CELF5: variants seen among roughly 807,000 people sequenced by gnomAD.
CELF5 encodes the protein CUGBP Elav-like family member 5.
Under a neutral mutation model 54.9 loss-of-function variants are expected in CELF5, and 6 were observed. The ratio of observed to expected loss-of-function variants is 0.11; its 90% CI spans 0.06 to 0.22. CELF5 has a LOEUF of 0.22. CELF5 is among the 10% of genes least tolerant of loss of function. CELF5 has a pLI of 1.00. For missense variants in CELF5, 401 were observed against 678.6 expected, an observed-to-expected ratio of 0.59 and a Z score of 4.54; for synonymous variants, 271 against 290.9, an observed-to-expected ratio of 0.93 and a Z score of 0.70.
At position 3,268,037 on chromosome 19, in the gene CELF5, C is replaced by T. The variant is rs2079907150; in HGVS notation, c.343-5835C>T. On this transcript the variant is annotated intron_variant, in intron 2 of 12. Coordinates refer to ENST00000292672, the MANE Select transcript of CELF5 (RefSeq NM_021938.4). The surrounding 1 kb of genome is among the most constrained non-coding windows in gnomAD (Gnocchi z 4.4). ...TTTTTGAGATGGAGTCTCGCTCTGT[C>T]GCCCAGGCTGGAGTGCAGTGATTTG... 6.6e-6 allele frequency among the ~76,000 whole-genome samples: 1 copy of T among 152,048 alleles called. No individual in the cohort carries two copies. The highest frequency in any genetic ancestry group is 6.6e-5 in the Admixed American group (1 of 15,260).
At chr19:3,239,079 T>C (rs1487362719) in intron 1 of CELF5, among the ~76,000 whole-genome samples, 5 of 152,156 alleles carry the variant, frequency 3.3e-5, no homozygotes, top group African/African-American at 1.2e-4. Context: ...AGTGGCTATA[T>C]CTTTTTTAAA....
At chr19:3,255,278 G>A (rs1287304195) in intron 2 of CELF5, among the ~76,000 whole-genome samples, 2 of 152,094 alleles carry the variant, frequency 1.3e-5, no homozygotes, top group African/African-American at 2.4e-5. Context: ...TCTGCCTCGC[G>A]GGTTCAAGTG....
chr19:3,263,783 T>C (rs1179228486), intron 2 of CELF5, among the ~76,000 whole-genome samples: 1 of 151,140 alleles, frequency 6.6e-6, no homozygotes, highest in Non-Finnish European at 1.5e-5. Context: ...TGGGCACCTG[T>C]GATTCCAGCT....
At chr19:3,283,230 C>G (rs930284568) in intron 8 of CELF5, among the ~76,000 whole-genome samples, 3 of 152,226 alleles carry the variant, frequency 2.0e-5, no homozygotes, top group Non-Finnish European at 4.4e-5. Context: ...CTTCCTTTCT[C>G]TATGCTACAC....
At position 3,282,109 on chromosome 19, in the gene CELF5, C is replaced by T. The variant is rs377286382; in HGVS notation, c.751-17C>T. ...AGGGCAGATATCACCCCAACTGTGA[C>T]ATGTCTTCACCCCCAGCTCATGCAA... On this transcript the variant is annotated splice_polypyrimidine_tract_variant and intron_variant, in intron 6 of 12. Transcript: ENST00000292672. The surrounding 1 kb of genome is among the most constrained non-coding windows in gnomAD (Gnocchi z 5.2). 2.8e-4 allele frequency: 459 copies of T among 1,614,084 alleles called. No individual in the cohort carries two copies. In the Middle Eastern group the frequency reaches 5.8e-3, roughly 20 times the overall value.
rs536122926 is a variant in CELF5 at position 3,276,018 on chromosome 19, G to A, written c.523+34G>A. 64 of 1,548,128 alleles carry A rather than the reference G, an allele frequency of 4.1e-5. No homozygotes were observed. In the South Asian group the frequency reaches 6.0e-4, roughly 14 times the overall value. ...CGGGGGCCGGGGCGGGACTGCGAGA[G>A]GGGCCGGGCTAGCTCTGGGGGCGGG... On this transcript the variant is annotated intron_variant, in intron 4 of 12. Transcript: ENST00000292672.
At chr19:3,287,567 A>G (rs1037814581) in intron 10 of CELF5, among the ~76,000 whole-genome samples, 5 of 151,118 alleles carry the variant, frequency 3.3e-5, no homozygotes, top group Admixed American at 6.6e-5. Context: ...TCAAAAATAA[A>G]TAAGTAAATT....
chr19:3,244,272 G>A (rs891352624), intron 1 of CELF5, among the ~76,000 whole-genome samples: 3 of 152,036 alleles, frequency 2.0e-5, no homozygotes, highest in African/African-American at 7.2e-5. Context: ...CTGTGCGTGC[G>A]AGTGTGTGTG....
chr19:3,285,173 C>T (rs1043416779), intron 9 of CELF5, among the ~76,000 whole-genome samples: 1 of 151,990 alleles, frequency 6.6e-6, no homozygotes, highest in African/African-American at 2.4e-5. Context: ...CACCTATACC[C>T]GCAAACAGGA....
intron 10 of CELF5, among the ~76,000 whole-genome samples, chr19:3,287,943 G>A (rs576044957): frequency 2.0e-5 from 3 of 152,326 alleles, no homozygotes; most frequent in East Asian, 3.9e-4. Flanking sequence ...AAACGGCATC[G>A]AAAGGGTTGT....
At chr19:3,258,871 A>G (rs1172136852) in intron 2 of CELF5, among the ~76,000 whole-genome samples, 1 of 152,072 alleles carries the variant, frequency 6.6e-6, no homozygotes, top group Non-Finnish European at 1.5e-5. Flanking sequence ...TCGGCCTCCC[A>G]AAGCGCTGAG....
chr19:3,251,162 C>G (rs1454609800), intron 2 of CELF5, 95 bp downstream of exon 2: 2 of 900,166 alleles, frequency 2.2e-6, no homozygotes, highest in Non-Finnish European at 1.8e-6. Context: ...GCTGTGAATT[C>G]TGTGTGTCTC....
chr19:3,267,509 G>C (rs2079900046), intron 2 of CELF5, among the ~76,000 whole-genome samples: 1 of 152,218 alleles, frequency 6.6e-6, no homozygotes, highest in Admixed American at 6.5e-5. Context: ...CCCAAAGCCA[G>C]AGCCTGGGGT....
At chr19:3,287,034 C>CAAA (rs55661552) in intron 10 of CELF5, among the ~76,000 whole-genome samples, 1 of 103,538 alleles carries the variant, frequency 9.7e-6, no homozygotes, top group Non-Finnish European at 1.9e-5. Context: ...GACTCCGTCT[C>CAAA]AAAAAAAAAA....
intron 5 of CELF5, among the ~76,000 whole-genome samples, chr19:3,279,145 A>G (rs2080106978): frequency 6.6e-6 from 1 of 151,804 alleles, no homozygotes; most frequent in Admixed American, 6.6e-5. Flanking sequence ...AGGAGGCCTG[A>G]GCTGGGGCCA....
intron 2 of CELF5, among the ~76,000 whole-genome samples, chr19:3,264,302 T>TA (rs2079849767): frequency 1.8e-5 from 1 of 55,882 alleles, no homozygotes; most frequent in African/African-American, 9.5e-5. Context: ...AAGCACTAGG[T>TA]GTTTTTTTTT....
In CELF5 at chr19:3,281,980, C is replaced by T. The variant is rs2080159579; in HGVS notation, c.751-146C>T. The T allele has an allele frequency of 4.6e-6, 4 of 868,862 alleles. No homozygotes were observed. The African/African-American group carries it at 4.9e-5, about 11-fold the overall frequency. The allele number at this position is 868,862 out of a possible 1,614,324, so 53.8% of individuals were successfully genotyped here. Reference sequence around the variant, plus strand: ...TCTGCTCCCAGGCTGAGCCTTGATCCCAGTCTGAGCTCCAATTCTGATCTC... The same window carrying T: ...TCTGCTCCCAGGCTGAGCCTTGATCTCAGTCTGAGCTCCAATTCTGATCTC... On this transcript the variant is annotated intron_variant, in intron 6 of 12. Coordinates refer to ENST00000292672, the MANE Select transcript of CELF5 (RefSeq NM_021938.4). The surrounding 1 kb of genome is among the most constrained non-coding windows in gnomAD (Gnocchi z 6.5).
At chr19:3,284,775 A>G in intron 8 of CELF5, 127 bp from the exon 9 acceptor site, 1 of 793,238 alleles carries the variant, frequency 1.3e-6, no homozygotes, top group Middle Eastern at 2.3e-4. Flanking sequence ...CTGGTCCTAC[A>G]GAGGGTTTAG....
At chr19:3,225,597 G>A (rs1916860504) in intron 1 of CELF5, 1 of 983,440 alleles carries the variant, frequency 1.0e-6, no homozygotes, top group Middle Eastern at 5.2e-4. Context: ...GGACACGGAT[G>A]CCCAGGACCC....
Sources: gnomAD v4.1 joint callset for allele counts (sites outside exome capture counted in the v4.1 genomes callset) on GRCh38, gnomAD v4.1.1 for gene constraint, Gnocchi (gnomAD v3.1) non-coding constraint, MANE v1.5 for transcripts, NCBI Gene and HGNC (gene_info 2026-07-23, HGNC 2026-07-21) for gene names.